DYNC1H1: variants seen among roughly 807,000 people sequenced by gnomAD.
DYNC1H1 encodes dynein cytoplasmic 1 heavy chain 1.
Under a neutral mutation model 527.1 loss-of-function variants are expected in DYNC1H1, and 51 were observed. The observed-to-expected ratio is 0.10, with a 90% CI of 0.08 to 0.12. DYNC1H1 has a LOEUF of 0.12. Ranked by LOEUF, DYNC1H1 falls within the 10% of genes least tolerant of loss-of-function variation. DYNC1H1 has a pLI of 1.00. For missense variants in DYNC1H1, 2,771 were observed against 5,971.8 expected (o/e 0.46, Z 17.66); for synonymous variants, 2,189 against 2,278.8 (o/e 0.96, Z 1.12).
chr14:102,046,899 A>G (rs2048727383), intron 72 of DYNC1H1, among the ~76,000 whole-genome samples: 1 of 152,026 alleles, frequency 6.6e-6, no homozygotes, highest in Non-Finnish European at 1.5e-5. Flanking sequence ...TCTGGGCTCA[A>G]GCGATCCCCC....
intron 1 of DYNC1H1, among the ~76,000 whole-genome samples, chr14:101,970,629 T>G (rs983120930): frequency 6.6e-6 from 1 of 152,090 alleles, no homozygotes; most frequent in East Asian, 1.9e-4. Flanking sequence ...ATTACAGGCA[T>G]GTGCCACCAC....
rs1032721501 is a variant in DYNC1H1, at chr14:102,044,825, G to A, written c.13006+127G>A. On this transcript the variant is annotated intron_variant, in intron 72 of 77. Coordinates refer to ENST00000360184, the MANE Select transcript of DYNC1H1 (RefSeq NM_001376.5). This position sits in a 1 kb window ranked among gnomAD's most constrained non-coding sequence, Gnocchi z 7.1. ...CTGTCCCAGGGCCCTCCCTGGTTAT[G>A]CTGGGTGTGGCTCTGTCAGCCTCGG... 3 of 1,093,902 alleles carry A rather than the reference G, an allele frequency of 2.7e-6. No homozygotes were observed. The Admixed American group carries it at 6.0e-5, about 22-fold the overall frequency. 67.8% of individuals were successfully genotyped at this position (1,093,902 alleles called of 1,614,324 possible). A position where few individuals can be genotyped will look rare whatever the true frequency, so the allele number is the denominator to read the frequency against.
intron 27 of DYNC1H1, among the ~76,000 whole-genome samples, chr14:102,006,533 T>G (rs192746558): frequency 2.0e-5 from 3 of 151,468 alleles, no homozygotes; most frequent in African/African-American, 7.3e-5. Context: ...ACGCCCGGCC[T>G]GAATGTACTT....
At chr14:101,982,706 C>A (rs780331716) in intron 5 of DYNC1H1, among the ~76,000 whole-genome samples, 4 of 136,036 alleles carry the variant, frequency 2.9e-5, no homozygotes, top group Non-Finnish European at 3.1e-5. Flanking sequence ...TCGTCTTCCA[C>A]GAAACTGGTC....
Position 101,988,739 on chromosome 14 carries a change from C to G in DYNC1H1, c.2755C>G (p.Leu919Val). 6.2e-7 allele frequency: 1 copy of G among 1,614,160 alleles called. No individual in the cohort carries two copies. The highest frequency in any genetic ancestry group is 8.5e-7 in the Non-Finnish European group (1 of 1,180,034). ...ATTGGGCGTCCGTCTGCAAGCTGGC[C>G]TGAGAGCTTGGACGCAGGTTCTTCT... ...RILGVRLQAG[L>V]RAWTQVLLGQ... is the part of the protein sequence containing the mutation. Residue 919 changes from leucine to valine, a missense_variant, in exon 10 of 78, where the codon CTG becomes GTG. Around this residue, in one of 32 missense-constraint regions of DYNC1H1, gnomAD observed 179 missense variants for 349.4 expected, o/e 0.51. Coordinates refer to ENST00000360184, the MANE Select transcript of DYNC1H1 (RefSeq NM_001376.5).
chr14:102,022,608 A>C (rs2048398019), intron 42 of DYNC1H1, 143 bp from the exon 43 acceptor site: 1 of 1,129,312 alleles, frequency 8.9e-7, no homozygotes. Context: ...TTTTAGGTTC[A>C]TCCATGCATA....
chr14:102,045,939 G>A (rs1239087324), intron 72 of DYNC1H1, among the ~76,000 whole-genome samples: 1 of 152,034 alleles, frequency 6.6e-6, no homozygotes, highest in East Asian at 1.9e-4. Flanking sequence ...GGCCGAGGTG[G>A]GCGGATCACA....
intron 28 of DYNC1H1, 104 bp from the exon 29 acceptor site, chr14:102,008,074 C>A: frequency 6.5e-7 from 1 of 1,544,024 alleles, no homozygotes; most frequent in Non-Finnish European, 8.9e-7. Context: ...AAAGACAAAC[C>A]CACTAGGGTT....
chr14:102,051,016 C>CA lies in DYNC1H1; in HGVS notation c.*454dup, dbSNP rs2048802456. 1 of 274,220 alleles carries CA rather than the reference C, an allele frequency of 3.6e-6. No individual in the cohort carries two copies. The highest frequency in any genetic ancestry group is 4.0e-5 in the South Asian group (1 of 25,026). The allele number at this position is 274,220 out of a possible 1,614,324, so 17.0% of individuals were successfully genotyped here. ...TCTGAAGGCCCTGGGGCCCGGGCAC[C>CA]ATGGTTCACACCTTTAATCGCAGCA... On this transcript the variant is annotated 3_prime_UTR_variant, in exon 78 of 78. Coordinates refer to ENST00000360184, the MANE Select transcript of DYNC1H1 (RefSeq NM_001376.5).
chr14:101,973,019 T>C (rs1381602820), intron 1 of DYNC1H1, among the ~76,000 whole-genome samples: 1 of 152,102 alleles, frequency 6.6e-6, no homozygotes, highest in African/African-American at 2.4e-5. Flanking sequence ...TCTAGCTACA[T>C]TTGAGTGGTT....
chr14:102,030,373 T>G, intron 51 of DYNC1H1, 91 bp downstream of exon 51: 1 of 1,593,622 alleles, frequency 6.3e-7, no homozygotes, highest in Non-Finnish European at 8.6e-7. Context: ...ATTGCACATA[T>G]GCTTCCCTCA....
rs377277675 is a variant in DYNC1H1, at chr14:101,986,788, T to A, written c.2538+25T>A. 23 of 1,612,956 alleles carry A rather than the reference T, an allele frequency of 1.4e-5. No individual in the cohort carries two copies. In the African/African-American group the frequency reaches 2.8e-4, roughly 20 times the overall value. On this transcript the variant is annotated intron_variant, in intron 8 of 77. Coordinates refer to ENST00000360184, the MANE Select transcript of DYNC1H1 (RefSeq NM_001376.5). This position sits in a 1 kb window ranked among gnomAD's most constrained non-coding sequence, Gnocchi z 8.7. Reference sequence around the variant, plus strand: ...GGTATGCTCTCATGTAATCCTCAGGTGTCCTGGTAACGAATGAAGCACAGT... The same window carrying A: ...GGTATGCTCTCATGTAATCCTCAGGAGTCCTGGTAACGAATGAAGCACAGT...
In DYNC1H1 at chr14:101,987,391, T is replaced by C. The variant is rs550003440; in HGVS notation, c.2539-62T>C. On this transcript the variant is annotated intron_variant, in intron 8 of 77. Coordinates refer to ENST00000360184, the MANE Select transcript of DYNC1H1 (RefSeq NM_001376.5). The stretch of plus-strand genomic sequence containing the variant: ...TGTATAATATTTGAGAAGAATGTTA[T>C]GTGAGAATAAAGGAACAGAGTGTGA... 19 of 1,505,964 alleles carry C rather than the reference T, an allele frequency of 1.3e-5. No homozygotes were observed. In the South Asian group the frequency reaches 2.0e-4, roughly 16 times the overall value. The allele number at this position is 1,505,964 out of a possible 1,614,324, so 93.3% of individuals were successfully genotyped here. A position where few individuals can be genotyped will look rare whatever the true frequency, so the allele number is the denominator to read the frequency against.
At chr14:102,040,846 C>A in intron 64 of DYNC1H1, 173 bp downstream of exon 64, 1 of 756,524 alleles carries the variant, frequency 1.3e-6, no homozygotes, top group South Asian at 1.6e-5. Context: ...GTAGTCCCAT[C>A]TACTCGGGAG....
In DYNC1H1 at chr14:102,056,026, GGA is replaced by G. The variant is rs1226196237; in HGVS notation, c.*5470_*5471del. On this transcript the variant is annotated 3_prime_UTR_variant, in exon 78 of 78. Transcript: ENST00000360184. The stretch of plus-strand genomic sequence containing the variant: ...CAGCCTCAGGAGGTCCTGACTGGGG[GGA>G]GAGAGACCCTCTCATATTGTTTTAT... The G allele has an allele frequency of 6.6e-6, 1 of 152,168 alleles. No homozygotes were observed. Among genetic ancestry groups the G allele is most frequent in the Non-Finnish European group, 1.5e-5 (1 of 68,042 alleles). 9.4% of individuals were successfully genotyped at this position (152,168 alleles called of 1,614,324 possible).
intron 1 of DYNC1H1, among the ~76,000 whole-genome samples, chr14:101,971,668 A>G (rs966223493): frequency 8.5e-5 from 13 of 152,150 alleles, no homozygotes; most frequent in African/African-American, 2.2e-4. Flanking sequence ...CAAGGCTGCA[A>G]TGAGCTGTGA....
Position 102,041,966 on chromosome 14 carries a change from A to G in DYNC1H1, c.12103-47A>G, listed in dbSNP as rs753536436. The G allele has an allele frequency of 3.8e-6, 6 of 1,598,210 alleles. No homozygotes were observed. The highest frequency in any genetic ancestry group is 3.3e-5 in the South Asian group (3 of 90,648). On this transcript the variant is annotated intron_variant, in intron 65 of 77. Coordinates refer to ENST00000360184, the MANE Select transcript of DYNC1H1 (RefSeq NM_001376.5). The surrounding 1 kb of genome is among the most constrained non-coding windows in gnomAD (Gnocchi z 4.5). Reference sequence around the variant, plus strand: ...GGCTCTCCTTTCCCTTGACAGGTACACACTATTTGCTGGCACTGTAATAAC... The same window carrying G: ...GGCTCTCCTTTCCCTTGACAGGTACGCACTATTTGCTGGCACTGTAATAAC...
rs767654189 is a variant in DYNC1H1, at chr14:102,038,980, T to G, written c.11207-21T>G. 16 of 1,613,892 alleles carry G rather than the reference T, an allele frequency of 9.9e-6. No individual in the cohort carries two copies. The South Asian group carries it at 1.6e-4, about 17-fold the overall frequency. ...CCTTTTGAAGGATTATTGCAAACTC[T>G]GGATGTTTTATTCATTTAAGGGGAA... On this transcript the variant is annotated intron_variant, in intron 59 of 77. Transcript: ENST00000360184. This position sits in a 1 kb window ranked among gnomAD's most constrained non-coding sequence, Gnocchi z 7.2.
chr14:102,025,044 G>A lies in DYNC1H1; in HGVS notation c.8638-1530G>A, dbSNP rs573439108. On this transcript the variant is annotated intron_variant, in intron 43 of 77. Transcript: ENST00000360184. ...TTGAAGAACAAACGTTCTTAAAGAT[G>A]TATCTTTCAGGCTGGGCACAGTGGC... Among the ~76,000 whole-genome samples the A allele has an allele frequency of 4.6e-5, 7 of 150,962 alleles. No individual in the cohort carries two copies. In the South Asian group the frequency reaches 1.5e-3, roughly 33 times the overall value.
Sources: allele counts gnomAD v4.1 joint callset (sites outside exome capture counted in the v4.1 genomes callset), GRCh38; gene constraint gnomAD v4.1.1; regional missense constraint gnomAD v4.1.1; non-coding constraint Gnocchi (gnomAD v3.1); transcripts MANE v1.5; gene names NCBI Gene and HGNC (gene_info 2026-07-23, HGNC 2026-07-21).